NAALADL2: variants seen among roughly 807,000 people sequenced by gnomAD.
The protein encoded by NAALADL2 is N-acetylated alpha-linked acidic dipeptidase like 2.
NAALADL2 carries 76 observed loss-of-function variants against 87.2 expected under a neutral mutation model. The ratio of observed to expected loss-of-function variants is 0.87; its 90% CI spans 0.72 to 1.05. The LOEUF (loss-of-function observed/expected upper bound fraction) is 1.05. Among genes scored for constraint, NAALADL2 ranks in the 50% least tolerant of loss-of-function variants. NAALADL2 has a pLI of 0.00. For synonymous variants in NAALADL2, 354 were observed against 331.0 expected, an observed-to-expected ratio of 1.07 and a Z score of -0.75; for missense variants, 1,089 against 945.8, an observed-to-expected ratio of 1.15 and a Z score of -1.99.
chr3:175,619,285 A>AGAAG (rs1553933980), intron 10 of NAALADL2, among the ~76,000 whole-genome samples: 1 of 151,128 alleles, frequency 6.6e-6, no homozygotes, highest in African/African-American at 2.4e-5. Flanking sequence ...AAAGAAAGAA[A>AGAAG]GAAGGAAGGA....
At chr3:175,050,559 A>G (rs1391685507) in intron 1 of NAALADL2, among the ~76,000 whole-genome samples, 1 of 152,162 alleles carries the variant, frequency 6.6e-6, no homozygotes, top group Non-Finnish European at 1.5e-5. Flanking sequence ...TCTGACCAGA[A>G]ATATACTGTG....
intron 4 of NAALADL2, among the ~76,000 whole-genome samples, chr3:175,291,628 T>C (rs1755652665): frequency 6.6e-6 from 1 of 152,268 alleles, no homozygotes; most frequent in South Asian, 2.1e-4. Flanking sequence ...ATGATGATAA[T>C]ATTAAGCAGC....
chr3:174,469,050 A>G (rs578076682), intron 1 of NAALADL2, among the ~76,000 whole-genome samples: 1 of 152,316 alleles, frequency 6.6e-6, no homozygotes, highest in African/African-American at 2.4e-5. Context: ...GGCGTGAGCC[A>G]CCGTGCCCGG....
chr3:175,359,741 A>G (rs763569745), intron 5 of NAALADL2, among the ~76,000 whole-genome samples: 17 of 152,118 alleles, frequency 1.1e-4, no homozygotes, highest in African/African-American at 2.4e-4. Flanking sequence ...TGGAATAGAG[A>G]TATATCATGA....
Position 174,544,542 on chromosome 3 carries a change from TC to T in NAALADL2, c.-183-6026del, listed in dbSNP as rs1376891226. Among the ~76,000 whole-genome samples, 4 of 151,208 alleles carry T rather than the reference TC, an allele frequency of 2.6e-5. No individual in the cohort carries two copies. The East Asian group carries it at 7.8e-4, about 29-fold the overall frequency. On this transcript the variant is annotated intron_variant, in intron 1 of 3. Transcript: ENST00000434257. ...ATGGCTATCAATAATCTTTTAATTT[TC>T]TTTGTTTCCTTTTTTTTTGTTTTCT...
chr3:175,460,170 C>T, intron 6 of NAALADL2: 1 of 456,470 alleles, frequency 2.2e-6, no homozygotes, highest in Non-Finnish European at 4.4e-6. Flanking sequence ...ATGCCAACAG[C>T]AGCAGGTGTG....
chr3:174,690,022 A>G (rs576581532), intron 2 of NAALADL2, among the ~76,000 whole-genome samples: 2 of 152,120 alleles, frequency 1.3e-5, no homozygotes, highest in African/African-American at 2.4e-5. Context: ...ATTTATTTAG[A>G]TAACTAAGTC....
chr3:175,767,639 T>C (rs1034620805), intron 13 of NAALADL2: 1 of 152,136 alleles, frequency 6.6e-6, no homozygotes, highest in Non-Finnish European at 1.5e-5. Flanking sequence ...GACATGACAA[T>C]TCATGAAGTG....
chr3:175,346,543 C>T (rs769727668), intron 5 of NAALADL2, among the ~76,000 whole-genome samples: 1 of 152,084 alleles, frequency 6.6e-6, no homozygotes, highest in Non-Finnish European at 1.5e-5. Context: ...TAGGGTTTGA[C>T]TTTTGTTAAT....
chr3:174,878,995 C>T (rs1254765511), intron 1 of NAALADL2, among the ~76,000 whole-genome samples: 1 of 152,012 alleles, frequency 6.6e-6, no homozygotes, highest in African/African-American at 2.4e-5. Flanking sequence ...GCATATTTAG[C>T]TAACGTTATT....
intron 1 of NAALADL2, among the ~76,000 whole-genome samples, chr3:174,994,808 T>C: frequency 6.6e-6 from 1 of 152,304 alleles, no homozygotes; most frequent in South Asian, 2.1e-4. Context: ...TTTTAATATA[T>C]TTTTCAAAGA....
At chr3:175,750,229 A>G (rs1325869463) in intron 12 of NAALADL2, among the ~76,000 whole-genome samples, 2 of 152,202 alleles carry the variant, frequency 1.3e-5, no homozygotes, top group East Asian at 3.9e-4. Flanking sequence ...TGCCTCATGA[A>G]CTGTCTTGAG....
intron 1 of NAALADL2, among the ~76,000 whole-genome samples, chr3:174,899,317 T>A (rs1732018135): frequency 6.6e-6 from 1 of 151,842 alleles, no homozygotes; most frequent in South Asian, 2.1e-4. Flanking sequence ...TATGATACAG[T>A]TTAAGTATTT....
intron 11 of NAALADL2, among the ~76,000 whole-genome samples, chr3:175,647,499 A>G (rs1197653408): frequency 1.3e-5 from 2 of 152,162 alleles, no homozygotes; most frequent in Non-Finnish European, 2.9e-5. Context: ...TCTCGTGGTG[A>G]CAATTAAGTC....
chr3:174,787,794 G>A (rs547611453), intron 3 of NAALADL2, among the ~76,000 whole-genome samples: 1 of 151,060 alleles, frequency 6.6e-6, no homozygotes, highest in Non-Finnish European at 1.5e-5. Flanking sequence ...GAAACTTCAA[G>A]TGTTTTCTAG....
At chr3:174,941,307 T>A (rs1293431435) in intron 1 of NAALADL2, among the ~76,000 whole-genome samples, 1 of 152,202 alleles carries the variant, frequency 6.6e-6, no homozygotes, top group Non-Finnish European at 1.5e-5. Context: ...ATTGCATGAT[T>A]TTAAGCAATG....
At chr3:175,292,098 C>A (rs1755709140) in intron 4 of NAALADL2, among the ~76,000 whole-genome samples, 1 of 152,126 alleles carries the variant, frequency 6.6e-6, no homozygotes, top group African/African-American at 2.4e-5. Context: ...TTGAAACGTG[C>A]TCTCTCTCTT....
At chr3:175,503,868 A>G (rs1729902120) in intron 9 of NAALADL2, among the ~76,000 whole-genome samples, 1 of 152,128 alleles carries the variant, frequency 6.6e-6, no homozygotes, top group South Asian at 2.1e-4. Flanking sequence ...ATTTTCTCCA[A>G]TCCTGTAAGT....
At chr3:174,940,404 C>T (rs35222194) in intron 1 of NAALADL2, among the ~76,000 whole-genome samples, 6,267 of 152,148 alleles carry the variant, frequency 0.041, 432 homozygotes, top group African/African-American at 0.14. Context: ...CTGCTGGATT[C>T]GGTATGCAAG....
Sources: gnomAD v4.1 joint callset for allele counts (sites outside exome capture counted in the v4.1 genomes callset) on GRCh38, gnomAD v4.1.1 for gene constraint, MANE v1.5 for transcripts, NCBI Gene and HGNC (gene_info 2026-07-23, HGNC 2026-07-21) for gene names.